SLC67A1: variants seen among roughly 807,000 people sequenced by gnomAD.
The protein encoded by SLC67A1 is solute carrier family 67 member 1, also known as solute carrier family 67 member A1.
At chr11:2,901,336 C>T in the SLC67A1 span, among the ~76,000 whole-genome samples, 1 of 152,242 alleles carries the variant, frequency 6.6e-6, no homozygotes. Flanking sequence ...GGACTTTGGC[C>T]GGCTCTCGCT....
chr11:2,909,585 G>A, the SLC67A1 span: 1 of 1,529,186 alleles, frequency 6.5e-7, no homozygotes, highest in Non-Finnish European at 8.7e-7. Flanking sequence ...CAGCCGCCCA[G>A]ATGGTCATCA....
At chr11:2,917,097 C>T in the SLC67A1 span, 1 of 275,050 alleles carries the variant, frequency 3.6e-6, no homozygotes, top group Non-Finnish European at 7.3e-6. Flanking sequence ...GGTGGGCCAG[C>T]AAGGCTCCGG....
At chr11:2,921,836 G>C in the SLC67A1 span, 1 of 476,052 alleles carries the variant, frequency 2.1e-6, no homozygotes, top group African/African-American at 2.0e-5. Flanking sequence ...GCCCATCCCC[G>C]GTGTCCCTGG....
At chr11:2,916,649 C>A in the SLC67A1 span, 1 of 1,612,618 alleles carries the variant, frequency 6.2e-7, no homozygotes, top group South Asian at 1.1e-5. Flanking sequence ...TCCTGGCTGC[C>A]CTGGCCACCC....
chr11:2,905,117 C>A, the SLC67A1 span, among the ~76,000 whole-genome samples: 1 of 152,102 alleles, frequency 6.6e-6, no homozygotes, highest in Admixed American at 6.5e-5. Flanking sequence ...CGATTTTCGA[C>A]CCCAGTGGAG....
At chr11:2,913,897 G>A in the SLC67A1 span, among the ~76,000 whole-genome samples, 301 of 152,300 alleles carry the variant, frequency 2.0e-3, 1 homozygote, top group South Asian at 3.1e-3. Flanking sequence ...TCCTGGAGAC[G>A]CGATTGAAAG....
the SLC67A1 span, among the ~76,000 whole-genome samples, chr11:2,907,744 G>A: frequency 6.6e-6 from 1 of 152,158 alleles, no homozygotes; most frequent in Non-Finnish European, 1.5e-5. This position sits in a 1 kb window ranked among gnomAD's most constrained non-coding sequence, Gnocchi z 6.7. Flanking sequence ...ATATAAGGGT[G>A]TCCCTGGGAG....
chr11:2,924,625 G>A, the SLC67A1 span, among the ~76,000 whole-genome samples: 1 of 152,228 alleles, frequency 6.6e-6, no homozygotes, highest in African/African-American at 2.4e-5. The surrounding 1 kb of genome is among the most constrained non-coding windows in gnomAD (Gnocchi z 8.6). Flanking sequence ...TGGCAGGGCG[G>A]GGCCTTCTGC....
chr11:2,921,017 G>A, the SLC67A1 span: 1 of 148,924 alleles, frequency 6.7e-6, no homozygotes, highest in African/African-American at 2.5e-5. Flanking sequence ...TCAGGAGATT[G>A]AGACCATCCT....
chr11:2,906,540 T>TA, the SLC67A1 span, among the ~76,000 whole-genome samples: 7 of 152,156 alleles, frequency 4.6e-5, no homozygotes, highest in South Asian at 1.2e-3. Flanking sequence ...TATGCAGCCA[T>TA]AAAAAAGGAT....
the SLC67A1 span, chr11:2,909,216 C>T: frequency 4.6e-6 from 7 of 1,537,380 alleles, no homozygotes; most frequent in African/African-American, 6.9e-5. Context: ...CAGCGCGGGG[C>T]GCGGGCGGCG....
chr11:2,908,218 C>T, the SLC67A1 span: 1 of 1,604,014 alleles, frequency 6.2e-7, no homozygotes, highest in South Asian at 1.1e-5. Flanking sequence ...CCCCGGGCTC[C>T]CTCCTGTGTT....
the SLC67A1 span, among the ~76,000 whole-genome samples, chr11:2,912,564 C>G: frequency 2.6e-5 from 4 of 151,742 alleles, no homozygotes; most frequent in African/African-American, 9.7e-5. Flanking sequence ...AGGCCCCAGT[C>G]CTGCCTCATC....
At chr11:2,905,033 C>A in the SLC67A1 span, among the ~76,000 whole-genome samples, 1 of 152,110 alleles carries the variant, frequency 6.6e-6, no homozygotes, top group East Asian at 1.9e-4. Context: ...TGGGCCTGAG[C>A]CCATAAGGAA....
At chr11:2,909,200 G>T in the SLC67A1 span, 2 of 1,526,208 alleles carry the variant, frequency 1.3e-6, no homozygotes, top group Non-Finnish European at 8.7e-7. Context: ...CCCCAGGTTC[G>T]CAGACCAGCG....
the SLC67A1 span, chr11:2,903,348 G>A: frequency 6.2e-7 from 1 of 1,612,642 alleles, no homozygotes; most frequent in Admixed American, 1.7e-5. Context: ...TGTCCAGGAT[G>A]CAGGGAGCTC....
the SLC67A1 span, among the ~76,000 whole-genome samples, chr11:2,923,554 G>T: frequency 6.6e-6 from 1 of 152,230 alleles, no homozygotes. The surrounding 1 kb of genome is among the most constrained non-coding windows in gnomAD (Gnocchi z 6.5). Context: ...GCTGCAAAGG[G>T]CAGGCCTATT....
the SLC67A1 span, chr11:2,909,551 C>G: frequency 6.6e-7 from 1 of 1,516,672 alleles, no homozygotes; most frequent in Admixed American, 2.0e-5. Context: ...GGGCTTTCGC[C>G]GCTCAGCTCC....
the SLC67A1 span, chr11:2,919,407 G>A: frequency 5.6e-6 from 9 of 1,612,504 alleles, no homozygotes; most frequent in Non-Finnish European, 7.6e-6. Context: ...TCCTCCAGAT[G>A]GTGAGTGGGC....
Sources: allele counts gnomAD v4.1 joint callset (sites outside exome capture counted in the v4.1 genomes callset), GRCh38; gene constraint gnomAD v4.1.1; non-coding constraint Gnocchi (gnomAD v3.1); transcripts MANE v1.5; gene names NCBI Gene and HGNC (gene_info 2026-07-23, HGNC 2026-07-21).